Variants in ATP6V1B2 observed in about 807,000 individuals in gnomAD.
The protein encoded by ATP6V1B2 is V-type proton ATPase subunit B, brain isoform.
ATP6V1B2 carries 23 observed loss-of-function variants against 66.7 expected under a neutral mutation model. The observed-to-expected ratio is 0.34, with a 90% CI of 0.25 to 0.49. ATP6V1B2 has a LOEUF of 0.49. ATP6V1B2 is among the 20% of genes least tolerant of loss of function. The probability of loss-of-function intolerance (pLI) is 0.99; values close to 1 mark genes in which losing one functional copy is unlikely to be tolerated. For missense variants in ATP6V1B2, 478 were observed against 650.8 expected (o/e 0.73, Z 2.89); for synonymous variants, 278 against 236.7 (o/e 1.17, Z -1.60).
At chr8:20,214,068 G>C (rs928057979) in intron 9 of ATP6V1B2, 3 of 152,122 alleles carry the variant, frequency 2.0e-5, no homozygotes, top group Non-Finnish European at 4.4e-5. Context: ...GATAACAGTT[G>C]GTCTGCAGAC....
chr8:20,220,422 C>T lies in ATP6V1B2; in HGVS notation c.*20C>T, dbSNP rs1296306545. ...CATTAGCTGCTGCTTCTGCATTGCT[C>T]CGCGCTCTTGTGAAATACTGGTTCT... On this transcript the variant is annotated 3_prime_UTR_variant, in exon 14 of 14. Transcript: ENST00000276390. 1 of 1,540,852 alleles carries T rather than the reference C, an allele frequency of 6.5e-7. No individual in the cohort carries two copies. Among genetic ancestry groups the T allele is most frequent in the Non-Finnish European group, 8.7e-7 (1 of 1,150,718 alleles).
intron 12 of ATP6V1B2, 139 bp from the exon 13 acceptor site, chr8:20,218,014 T>G: frequency 8.5e-7 from 1 of 1,172,028 alleles, no homozygotes; most frequent in Non-Finnish European, 1.2e-6. Flanking sequence ...TACTTTCATA[T>G]GAATTTTATG....
chr8:20,198,447 T>G (rs1402873493), intron 1 of ATP6V1B2, among the ~76,000 whole-genome samples: 2 of 152,234 alleles, frequency 1.3e-5, no homozygotes, highest in Non-Finnish European at 2.9e-5. Context: ...TAGGTTTAAG[T>G]GGATAGCTCA....
intron 11 of ATP6V1B2, 81 bp from the exon 12 acceptor site, chr8:20,217,139 G>A: frequency 2.6e-6 from 3 of 1,160,212 alleles, no homozygotes; most frequent in South Asian, 1.2e-5. Context: ...GTAATAATGA[G>A]TTTCAAATGT....
rs547056185 is a variant in ATP6V1B2 at position 20,202,109 on chromosome 8, G to A, written c.137-2375G>A. Among the ~76,000 whole-genome samples, 32 of 152,268 alleles carry A rather than the reference G, an allele frequency of 2.1e-4. 1 individual carries two copies. In the East Asian group the frequency reaches 5.8e-3, roughly 28 times the overall value. ...TTGGGGATGAAGTTTATTGCCTGGTGCGTTAAAAAGTAAAAACCTGTTTTG... is the reference window on the plus strand; with the variant it reads ...TTGGGGATGAAGTTTATTGCCTGGTACGTTAAAAAGTAAAAACCTGTTTTG... On this transcript the variant is annotated intron_variant, in intron 1 of 13. Transcript: ENST00000276390.
chr8:20,203,888 T>C (rs1364524776), intron 1 of ATP6V1B2: 5 of 431,626 alleles, frequency 1.2e-5, no homozygotes, highest in African/African-American at 2.1e-5. Flanking sequence ...TTCCATTGCC[T>C]ACTCCGTCCT....
intron 12 of ATP6V1B2, 41 bp from the exon 13 acceptor site, chr8:20,218,112 G>A (rs933304239): frequency 1.9e-6 from 3 of 1,601,572 alleles, no homozygotes; most frequent in Non-Finnish European, 1.7e-6. Context: ...TGAACATTTT[G>A]AGAGCTTCTC....
At chr8:20,216,597 T>A in intron 11 of ATP6V1B2, 102 bp downstream of exon 11, 1 of 1,051,738 alleles carries the variant, frequency 9.5e-7, no homozygotes, top group Non-Finnish European at 1.4e-6. Flanking sequence ...TTAGAAAGTA[T>A]CAACTTGAAT....
In ATP6V1B2 at chr8:20,197,399, G is replaced by C. The variant is rs558999717; in HGVS notation, c.-8G>C. The C allele has an allele frequency of 1.1e-5, 17 of 1,533,498 alleles. No homozygotes were observed. Among genetic ancestry groups the C allele is most frequent in the South Asian group, 6.0e-5 (5 of 83,674 alleles). 95.0% of individuals were successfully genotyped at this position (1,533,498 alleles called of 1,614,324 possible). A position where few individuals can be genotyped will look rare whatever the true frequency, so the allele number is the denominator to read the frequency against. On this transcript the variant is annotated 5_prime_UTR_variant, in exon 1 of 14. Transcript: ENST00000276390. ...CGCTGCTGGGCCAGTCGGGACAGAG[G>C]AGACAAGATGGCGCTGCGGGCGATG...
intron 13 of ATP6V1B2, 94 bp downstream of exon 13, chr8:20,218,376 A>T: frequency 6.7e-7 from 1 of 1,498,798 alleles, no homozygotes; most frequent in Non-Finnish European, 9.0e-7. Context: ...TGGTTTCTAT[A>T]TAGTTATTTC....
intron 10 of ATP6V1B2, chr8:20,215,465 G>T (rs550711007): frequency 6.6e-6 from 1 of 152,410 alleles, no homozygotes; most frequent in Non-Finnish European, 1.5e-5. Flanking sequence ...GATGGGGTAC[G>T]ACTATTCAGA....
chr8:20,209,024 T>C (rs1053450270), intron 2 of ATP6V1B2, among the ~76,000 whole-genome samples: 1 of 152,150 alleles, frequency 6.6e-6, no homozygotes, highest in Admixed American at 6.5e-5. Flanking sequence ...AGTAACATTT[T>C]ATTCTTCCCC....
rs1369407145 is a variant in ATP6V1B2, at chr8:20,218,011, A to G, written c.1267-142A>G. 22 of 1,129,024 alleles carry G rather than the reference A, an allele frequency of 1.9e-5. No homozygotes were observed. In the East Asian group the frequency reaches 5.4e-4, roughly 28 times the overall value. The allele number at this position is 1,129,024 out of a possible 1,614,324, so 69.9% of individuals were successfully genotyped here. ...AGAATATAGTCCTTCTGGTACTTTC[A>G]TATGAATTTTATGTGAATTGTTTTT... is the stretch of plus-strand genomic sequence containing the variant. On this transcript the variant is annotated intron_variant, in intron 12 of 13. Transcript: ENST00000276390.
chr8:20,197,705 G>A (rs1011135380), intron 1 of ATP6V1B2, among the ~76,000 whole-genome samples, 163 bp downstream of exon 1: 2 of 152,166 alleles, frequency 1.3e-5, no homozygotes, highest in Admixed American at 6.5e-5. Context: ...AGATTTGCCT[G>A]TACCTAATAT....
chr8:20,201,083 A>G (rs1228510257), intron 1 of ATP6V1B2, among the ~76,000 whole-genome samples: 20 of 149,512 alleles, frequency 1.3e-4, no homozygotes. Context: ...TGGGTTTTAG[A>G]TGTTACTTCA....
chr8:20,199,903 G>A (rs1319890735), intron 1 of ATP6V1B2, among the ~76,000 whole-genome samples: 7 of 151,932 alleles, frequency 4.6e-5, no homozygotes, highest in Non-Finnish European at 8.8e-5. Context: ...GAGCCACCAC[G>A]CCCAGCCAAC....
Position 20,220,606 on chromosome 8 carries a change from C to T in ATP6V1B2, c.*204C>T. The T allele has an allele frequency of 1.5e-6, 1 of 667,702 alleles. No individual in the cohort carries two copies. The highest frequency in any genetic ancestry group is 2.3e-6 in the Non-Finnish European group (1 of 440,792). The allele number at this position is 667,702 out of a possible 1,614,324, so 41.4% of individuals were successfully genotyped here. On this transcript the variant is annotated 3_prime_UTR_variant, in exon 14 of 14. Coordinates refer to ENST00000276390, the MANE Select transcript of ATP6V1B2 (RefSeq NM_001693.4). ...TAAAATATCCCCCTACCTGGGTCCT[C>T]AGTGCTATGTTTAAAGTGCTGCAGG...
At chr8:20,210,716 TAG>T in intron 5 of ATP6V1B2, 70 bp downstream of exon 5, 2 of 1,384,586 alleles carry the variant, frequency 1.4e-6, no homozygotes, top group Non-Finnish European at 1.0e-6. Context: ...CTTTGCCAGA[TAG>T]AGAGTGTTTT....
chr8:20,215,646 G>A (rs911268364), intron 10 of ATP6V1B2: 1 of 152,196 alleles, frequency 6.6e-6, no homozygotes, highest in East Asian at 1.9e-4. Flanking sequence ...TGAGGCACAG[G>A]GAGGTCAAAT....
Sources: allele counts gnomAD v4.1 joint callset (sites outside exome capture counted in the v4.1 genomes callset), GRCh38; gene constraint gnomAD v4.1.1; transcripts MANE v1.5; gene names NCBI Gene and HGNC (gene_info 2026-07-23, HGNC 2026-07-21).